RGS7: variants seen among roughly 807,000 people sequenced by gnomAD.
RGS7 encodes the protein regulator of G protein signaling 7, also known as regulator of G-protein signaling 7.
RGS7 carries 27 observed loss-of-function variants against 81.1 expected under a neutral mutation model. The ratio of observed to expected loss-of-function variants is 0.33; its 90% CI spans 0.25 to 0.46. The LOEUF (loss-of-function observed/expected upper bound fraction) is 0.46. Ranked by LOEUF, RGS7 falls within the 20% of genes least tolerant of loss-of-function variation. The pLI is 1.00. For missense variants in RGS7, 396 were observed against 607.4 expected (o/e 0.65, Z 3.66); for synonymous variants, 208 against 207.7 (o/e 1.00, Z -0.01).
chr1:241,183,265 C>T (rs999837328), intron 2 of RGS7, among the ~76,000 whole-genome samples: 2 of 152,164 alleles, frequency 1.3e-5, no homozygotes, highest in Non-Finnish European at 2.9e-5. Flanking sequence ...ATTGTTTCCC[C>T]GCATAAATGA....
intron 9 of RGS7, among the ~76,000 whole-genome samples, chr1:240,858,079 C>G (rs1399304629): frequency 6.6e-6 from 1 of 152,138 alleles, no homozygotes; most frequent in Non-Finnish European, 1.5e-5. Context: ...TTGGGTATGT[C>G]TTTATTAGCA....
intron 2 of RGS7, among the ~76,000 whole-genome samples, chr1:241,136,784 G>A (rs2067553745): frequency 6.6e-6 from 1 of 152,168 alleles, no homozygotes; most frequent in African/African-American, 2.4e-5. Context: ...TTACAAATGA[G>A]CATCATATTA....
intron 3 of RGS7, among the ~76,000 whole-genome samples, chr1:241,011,230 G>A (rs2058940499): frequency 6.6e-6 from 1 of 152,188 alleles, no homozygotes; most frequent in African/African-American, 2.4e-5. Context: ...ACTGTTGACT[G>A]CCTCAAATGG....
At chr1:241,349,416 AAAC>A (rs1452957283) in intron 2 of RGS7, among the ~76,000 whole-genome samples, 1 of 152,234 alleles carries the variant, frequency 6.6e-6, no homozygotes, top group African/African-American at 2.4e-5. Flanking sequence ...CCAGACGACA[AAAC>A]AACAATGTAT....
At chr1:240,917,560 C>T (rs1672805584) in intron 6 of RGS7, among the ~76,000 whole-genome samples, 1 of 151,908 alleles carries the variant, frequency 6.6e-6, no homozygotes, top group Non-Finnish European at 1.5e-5. Context: ...GACTTGGATT[C>T]GTTGTAAATG....
At chr1:241,091,955 A>G (rs535721530) in intron 3 of RGS7, among the ~76,000 whole-genome samples, 57 of 152,340 alleles carry the variant, frequency 3.7e-4, no homozygotes, top group African/African-American at 1.3e-3. Flanking sequence ...AATTATTTGG[A>G]AACATTAAAA....
intron 2 of RGS7, among the ~76,000 whole-genome samples, chr1:241,199,215 G>A (rs895000285): frequency 5.9e-5 from 9 of 151,950 alleles, no homozygotes; most frequent in East Asian, 1.9e-4. Flanking sequence ...CCAGCACTTC[G>A]GGAGGCCGAG....
chr1:240,790,436 CAGG>C (rs1346568657), intron 18 of RGS7, among the ~76,000 whole-genome samples: 1 of 152,072 alleles, frequency 6.6e-6, no homozygotes, highest in African/African-American at 2.4e-5. Context: ...GCTGGGATTA[CAGG>C]CACAAGCCAC....
chr1:240,866,102 G>A (rs1160846227), intron 9 of RGS7, among the ~76,000 whole-genome samples: 1 of 152,180 alleles, frequency 6.6e-6, no homozygotes, highest in Non-Finnish European at 1.5e-5. Flanking sequence ...TACCTCTAAA[G>A]TAATACAGGA....
chr1:241,141,393 A>G (rs1224658591), intron 2 of RGS7, among the ~76,000 whole-genome samples: 4 of 152,318 alleles, frequency 2.6e-5, no homozygotes, highest in African/African-American at 9.6e-5. Context: ...GCCACTACAG[A>G]TTCACTGTAT....
At chr1:240,981,103 T>TG (rs905992000) in intron 4 of RGS7, among the ~76,000 whole-genome samples, 2 of 151,860 alleles carry the variant, frequency 1.3e-5, no homozygotes, top group African/African-American at 2.4e-5. Flanking sequence ...TTCAGGTTTT[T>TG]TTTGTTTGTT....
At chr1:240,927,856 T>A (rs1303832261) in intron 6 of RGS7, among the ~76,000 whole-genome samples, 1 of 152,312 alleles carries the variant, frequency 6.6e-6, no homozygotes, top group East Asian at 1.9e-4. Context: ...TATTCCAGGT[T>A]TGGGGAGAAA....
At position 241,265,071 on chromosome 1, in the gene RGS7, C is replaced by T. The variant is rs116814830; in HGVS notation, c.78+90628G>A. Among the ~76,000 whole-genome samples, 937 of 152,318 alleles carry T rather than the reference C, an allele frequency of 6.2e-3. 11 individuals carry two copies. The highest frequency in any genetic ancestry group is 0.021 in the African/African-American group (889 of 41,576). On this transcript the variant is annotated intron_variant, in intron 2 of 18. Coordinates refer to ENST00000440928, the MANE Select transcript of RGS7 (RefSeq NM_001364886.1). The stretch of plus-strand genomic sequence containing the variant: ...TGGAGTTATTCAAATAAGCCAGTCA[C>T]ATTCTCCCATGGAACCAGGGTTCAA...
intron 6 of RGS7, among the ~76,000 whole-genome samples, chr1:240,896,847 A>G (rs1669177809): frequency 6.6e-6 from 1 of 152,200 alleles, no homozygotes; most frequent in Non-Finnish European, 1.5e-5. Context: ...TGATGGGGAT[A>G]GCATTGCATC....
rs1673908375 is a variant in RGS7 at position 240,923,418 on chromosome 1, A to G, written c.385+7299T>C. Among the ~76,000 whole-genome samples the G allele has an allele frequency of 2.0e-5, 3 of 152,110 alleles. No homozygotes were observed. In the South Asian group the frequency reaches 6.2e-4, roughly 31 times the overall value. On this transcript the variant is annotated intron_variant, in intron 6 of 18. Coordinates refer to ENST00000440928, the MANE Select transcript of RGS7 (RefSeq NM_001364886.1). ...AATTATAGGGGAACGTATAGGTGGT[A>G]CTGAGGCATTTTGTTGGAACTCTCT...
intron 2 of RGS7, among the ~76,000 whole-genome samples, chr1:241,317,808 T>C (rs527801616): frequency 6.6e-6 from 1 of 152,366 alleles, no homozygotes; most frequent in East Asian, 1.9e-4. Flanking sequence ...TGCTGTTGGA[T>C]ATATTTTTAG....
rs201442730 is a variant in RGS7 at position 241,049,910 on chromosome 1, AC to A, written c.175+48755del. On this transcript the variant is annotated intron_variant, in intron 3 of 18. Transcript: ENST00000440928. ...AAAAGGTTACAGCTATTTTATAAAC[AC>A]CAAGAGATGCTTGACAAGACAATAA... Among the ~76,000 whole-genome samples the A allele has an allele frequency of 3.3e-3, 503 of 152,310 alleles. 3 individuals are homozygous for A. The highest frequency in any genetic ancestry group is 0.01 in the Middle Eastern group (3 of 294).
intron 4 of RGS7, among the ~76,000 whole-genome samples, chr1:240,953,548 A>C: frequency 6.6e-6 from 1 of 152,026 alleles, no homozygotes; most frequent in East Asian, 1.9e-4. Flanking sequence ...CTAAATTAAT[A>C]TGTAAATGCA....
At position 241,065,017 on chromosome 1, in the gene RGS7, T is replaced by C. The variant is rs917669567; in HGVS notation, c.175+33649A>G. On this transcript the variant is annotated intron_variant, in intron 3 of 18. Transcript: ENST00000440928. Reference sequence around the variant, plus strand: ...ATGAGACTCTTTAGCTGCCTCATCATTGTATTTTAAATGTGGCCTCACAGA... The same window carrying C: ...ATGAGACTCTTTAGCTGCCTCATCACTGTATTTTAAATGTGGCCTCACAGA... 6.6e-5 allele frequency among the ~76,000 whole-genome samples: 10 copies of C among 152,212 alleles called. No individual in the cohort carries two copies. The East Asian group carries it at 1.9e-3, about 29-fold the overall frequency.
Sources: gnomAD v4.1 joint callset for allele counts (sites outside exome capture counted in the v4.1 genomes callset) on GRCh38, gnomAD v4.1.1 for gene constraint, MANE v1.5 for transcripts, NCBI Gene and HGNC (gene_info 2026-07-23, HGNC 2026-07-21) for gene names.